The following GPM6B variants were observed in gnomAD, a reference collection of about 807,000 sequenced individuals.
The protein encoded by GPM6B is glycoprotein M6B.
In GPM6B, 4 loss-of-function variants were observed where a neutral mutation model predicts 27.2. That is an observed-to-expected ratio of 0.15 (90% confidence interval 0.07 to 0.34). The LOEUF is 0.34. GPM6B is among the 10% of genes least tolerant of loss of function. GPM6B has a pLI of 1.00. For missense variants in GPM6B, 183 were observed against 261.9 expected, an observed-to-expected ratio of 0.70 and a Z score of 2.08; for synonymous variants, 124 against 103.1, an observed-to-expected ratio of 1.20 and a Z score of -1.23.
chrX:13,872,932 G>A (rs954170169), intron 1 of GPM6B, among the ~76,000 whole-genome samples: 1 of 110,879 alleles, frequency 9.0e-6, no homozygotes, highest in African/African-American at 3.3e-5. Flanking sequence ...TTCGCACCCT[G>A]GTCATCTCTT....
intron 1 of GPM6B, among the ~76,000 whole-genome samples, chrX:13,860,623 CATTTTAAT>C (rs2049833817): frequency 9.1e-6 from 1 of 110,410 alleles, no homozygotes; most frequent in Non-Finnish European, 1.9e-5. Flanking sequence ...CACAAAAATT[CATTTTAAT>C]ATTTTATTTT....
At chrX:13,892,871 C>T (rs1223384547) in intron 1 of GPM6B, among the ~76,000 whole-genome samples, 1 of 111,601 alleles carries the variant, frequency 9.0e-6, no homozygotes, top group Non-Finnish European at 1.9e-5. Flanking sequence ...GGCAAGATCC[C>T]ATGTCTCTAC....
At chrX:13,934,700 A>G (rs1325183726) in intron 1 of GPM6B, among the ~76,000 whole-genome samples, 1 of 112,569 alleles carries the variant, frequency 8.9e-6, no homozygotes, top group Non-Finnish European at 1.9e-5. Context: ...GTTTTCAAGC[A>G]TAACATTACT....
At chrX:13,893,807 C>G (rs2050208596) in intron 1 of GPM6B, among the ~76,000 whole-genome samples, 1 of 112,654 alleles carries the variant, frequency 8.9e-6, no homozygotes, top group African/African-American at 3.2e-5. Context: ...GGTTTATTTT[C>G]TTCACTAAAA....
chrX:13,834,053 G>C (rs146961523), intron 1 of GPM6B, among the ~76,000 whole-genome samples: 61 of 112,540 alleles, frequency 5.4e-4, no homozygotes, highest in African/African-American at 1.5e-3. Context: ...GAAGAATTTT[G>C]TTCAATTCTT....
intron 1 of GPM6B, among the ~76,000 whole-genome samples, chrX:13,854,272 C>T (rs1482546021): frequency 8.9e-6 from 1 of 111,826 alleles, no homozygotes; most frequent in Non-Finnish European, 1.9e-5. Context: ...TTATTTCAAG[C>T]TGCTTCTTTT....
At chrX:13,789,842 T>TTTTTG (rs376965111) in intron 2 of GPM6B, among the ~76,000 whole-genome samples, 1 of 111,048 alleles carries the variant, frequency 9.0e-6, no homozygotes, top group African/African-American at 3.3e-5. Context: ...CTGCGTTTTT[T>TTTTTG]TTTTGTTTTG....
intron 1 of GPM6B, among the ~76,000 whole-genome samples, chrX:13,865,542 CAAAAAAAAAA>C (rs1171503867): frequency 6.8e-5 from 1 of 14,632 alleles, no homozygotes; most frequent in Non-Finnish European, 1.6e-4. Context: ...TCCATCTCTT[CAAAAAAAAAA>C]AAAAAAAAAA....
chrX:13,853,238 G>A (rs756162489), intron 1 of GPM6B, among the ~76,000 whole-genome samples: 1 of 111,042 alleles, frequency 9.0e-6, no homozygotes, highest in African/African-American at 3.3e-5. Context: ...GGATCCATGG[G>A]ACTTAGTATA....
chrX:13,851,162 C>CTA (rs1491220902), intron 1 of GPM6B, among the ~76,000 whole-genome samples: 1,506 of 29,679 alleles, frequency 0.051, 19 homozygotes, highest in Non-Finnish European at 0.084. Flanking sequence ...GACTCCATCT[C>CTA]CAAAAAAAAA....
At chrX:13,906,227 CCCCT>C (rs1311513371) in intron 1 of GPM6B, among the ~76,000 whole-genome samples, 2 of 112,413 alleles carry the variant, frequency 1.8e-5, no homozygotes, top group African/African-American at 6.5e-5. Flanking sequence ...CCTCCCACTT[CCCCT>C]CCCCTAACCA....
intron 1 of GPM6B, among the ~76,000 whole-genome samples, chrX:13,815,633 A>G (rs1170244017): frequency 8.9e-6 from 1 of 111,851 alleles, no homozygotes; most frequent in Non-Finnish European, 1.9e-5. Flanking sequence ...ATTGTGTGAT[A>G]CCTAAAAAAA....
At chrX:13,918,595 G>A (rs1331092686) in intron 1 of GPM6B, among the ~76,000 whole-genome samples, 2 of 112,111 alleles carry the variant, frequency 1.8e-5, no homozygotes, top group Non-Finnish European at 3.8e-5. Flanking sequence ...CTGCTGTAAA[G>A]AAAACACCCG....
At chrX:13,900,538 T>C (rs969621850) in intron 1 of GPM6B, among the ~76,000 whole-genome samples, 1 of 111,170 alleles carries the variant, frequency 9.0e-6, no homozygotes, top group African/African-American at 3.3e-5. Context: ...GTGCGTGTTT[T>C]GTGTATTCTG....
At chrX:13,795,952 G>A (rs1332568945) in intron 2 of GPM6B, among the ~76,000 whole-genome samples, 1 of 108,373 alleles carries the variant, frequency 9.2e-6, no homozygotes, top group Non-Finnish European at 1.9e-5. Flanking sequence ...TTGAGATGGA[G>A]TTTCACTCTT....
chrX:13,889,012 G>A (rs1180384726), intron 1 of GPM6B: 1 of 111,642 alleles, frequency 9.0e-6, no homozygotes, highest in African/African-American at 3.3e-5. Flanking sequence ...ATTTTGAGAA[G>A]CAAGGAGTTA....
rs1187553585 is a variant in GPM6B, at chrX:13,812,048, C to CT, written c.62-4280dup. On this transcript the variant is annotated intron_variant, in intron 1 of 7. Coordinates refer to ENST00000316715, the MANE Select transcript of GPM6B (RefSeq NM_001001995.3). The stretch of plus-strand genomic sequence containing the variant: ...AAAGGAGAACACTTTTCTTTTCTTT[C>CT]TTTTTTTTTTTTTTTTTTTGAGACA... Among the ~76,000 whole-genome samples, 173 of 88,853 alleles carry CT rather than the reference C, an allele frequency of 1.9e-3. 6 individuals carry two copies. Among genetic ancestry groups the CT allele is most frequent in the Middle Eastern group, 6.3e-3 (1 of 160 alleles). The allele number at this position is 88,853 out of a possible 115,157, so 77.2% of individuals were successfully genotyped here. A position where few individuals can be genotyped will look rare whatever the true frequency, so the allele number is the denominator to read the frequency against.
chrX:13,807,609 A>G (rs761799003), intron 2 of GPM6B, 41 bp downstream of exon 2: 5 of 1,041,029 alleles, frequency 4.8e-6, no homozygotes, highest in East Asian at 6.2e-5. Context: ...TAAAGATAAC[A>G]GTTGACTTGC....
intron 2 of GPM6B, among the ~76,000 whole-genome samples, chrX:13,796,659 T>C (rs1163753640): frequency 8.9e-6 from 1 of 112,505 alleles, no homozygotes; most frequent in Non-Finnish European, 1.9e-5. Context: ...CTATTTCTAA[T>C]GATAGAAAGG....
Sources: allele counts gnomAD v4.1 joint callset (sites outside exome capture counted in the v4.1 genomes callset), GRCh38; gene constraint gnomAD v4.1.1; transcripts MANE v1.5; gene names NCBI Gene and HGNC (gene_info 2026-07-23, HGNC 2026-07-21).